Variants in DERA observed in about 807,000 individuals in gnomAD.
The protein encoded by DERA is deoxyribose-phosphate aldolase.
A neutral mutation model predicts 41.1 loss-of-function variants in DERA; 15 were observed. That is an observed-to-expected ratio of 0.37 (90% CI 0.24 to 0.56). The LOEUF is 0.56. Ranked by LOEUF, DERA falls within the 20% of genes least tolerant of loss-of-function variation. The probability of loss-of-function intolerance (pLI) is 0.81; values close to 1 mark genes in which losing one functional copy is unlikely to be tolerated. For synonymous variants in DERA, 139 were observed against 137.4 expected (o/e 1.01, Z -0.08); for missense variants, 396 against 403.4 (o/e 0.98, Z 0.16).
rs7967095 is a variant in DERA, at chr12:15,965,985, C to T, written c.508+3038C>T. Among the ~76,000 whole-genome samples, 6 of 152,198 alleles carry T rather than the reference C, an allele frequency of 3.9e-5. No individual in the cohort carries two copies. Among genetic ancestry groups the T allele is most frequent in the Non-Finnish European group, 7.3e-5 (5 of 68,040 alleles). On this transcript the variant is annotated intron_variant, in intron 5 of 8. Coordinates refer to ENST00000428559, the MANE Select transcript of DERA (RefSeq NM_015954.4). The surrounding 1 kb of genome is among the most constrained non-coding windows in gnomAD (Gnocchi z 4.1). ...CATTCCCATTAAGCATTTAGACATA[C>T]TCAAGCTTTTCTTAGCCATTTATGA... is the stretch of plus-strand genomic sequence containing the variant.
chr12:15,920,053 G>T (rs971744695), intron 1 of DERA, among the ~76,000 whole-genome samples: 1 of 151,890 alleles, frequency 6.6e-6, no homozygotes, highest in South Asian at 2.1e-4. Flanking sequence ...ACAGAAAAGG[G>T]ATTTCATTCA....
Position 15,913,013 on chromosome 12 carries a change from G to T in DERA, c.31+1599G>T, listed in dbSNP as rs1379267412. On this transcript the variant is annotated intron_variant, in intron 1 of 8. Coordinates refer to ENST00000428559, the MANE Select transcript of DERA (RefSeq NM_015954.4). This position sits in a 1 kb window ranked among gnomAD's most constrained non-coding sequence, Gnocchi z 4.5. ...TATCCTTGAAGGTGGTGGATATGGG[G>T]CAGGTTTGGGGTGGTGTCTTACCTG... Among the ~76,000 whole-genome samples the T allele has an allele frequency of 6.6e-6, 1 of 152,208 alleles. No individual in the cohort carries two copies. Among genetic ancestry groups the T allele is most frequent in the Non-Finnish European group, 1.5e-5 (1 of 68,024 alleles).
rs911495280 is a variant in DERA at position 15,922,779 on chromosome 12, C to T, written c.31+11365C>T. On this transcript the variant is annotated intron_variant, in intron 1 of 8. Coordinates refer to ENST00000428559, the MANE Select transcript of DERA (RefSeq NM_015954.4). This position sits in a 1 kb window ranked among gnomAD's most constrained non-coding sequence, Gnocchi z 4.9. ...GACCTGATAGCATCTAGCTGTGGAA[C>T]CTTGCGGGGTGGGGAGGGGCTTCAG... Among the ~76,000 whole-genome samples, 1 of 152,116 alleles carries T rather than the reference C, an allele frequency of 6.6e-6. No individual in the cohort carries two copies. Among genetic ancestry groups the T allele is most frequent in the Non-Finnish European group, 1.5e-5 (1 of 68,026 alleles).
Position 15,993,480 on chromosome 12 carries a change from CTTT to C in DERA, c.637+11057_637+11059del, listed in dbSNP as rs74499962. Among the ~76,000 whole-genome samples, 7 of 135,110 alleles carry C rather than the reference CTTT, an allele frequency of 5.2e-5. No individual in the cohort carries two copies. The highest frequency in any genetic ancestry group is 1.4e-4 in the African/African-American group (5 of 36,028). The allele number at this position is 135,110 out of a possible 152,430, so 88.6% of individuals were successfully genotyped here. ...ATCTAGACTCCTGTGGTGTTGTGGC[CTTT>C]TTTTTTTTTTTTAAAAAAAATAAGA... On this transcript the variant is annotated intron_variant, in intron 6 of 8. Transcript: ENST00000428559. This position sits in a 1 kb window ranked among gnomAD's most constrained non-coding sequence, Gnocchi z 4.4.
At position 15,994,926 on chromosome 12, in the gene DERA, G is replaced by A. The variant is rs556857856; in HGVS notation, c.637+12490G>A. Among the ~76,000 whole-genome samples the A allele has an allele frequency of 4.3e-4, 66 of 152,324 alleles. No individual in the cohort carries two copies. The highest frequency in any genetic ancestry group is 1.5e-3 in the African/African-American group (64 of 41,580). On this transcript the variant is annotated intron_variant, in intron 6 of 8. Coordinates refer to ENST00000428559, the MANE Select transcript of DERA (RefSeq NM_015954.4). This position sits in a 1 kb window ranked among gnomAD's most constrained non-coding sequence, Gnocchi z 4.8. ...TTTCTGCAGTAATCCCAAGAGGGAGGGAGGGAGGAGAGGTATCTTATTATC... is the reference window on the plus strand; with the variant it reads ...TTTCTGCAGTAATCCCAAGAGGGAGAGAGGGAGGAGAGGTATCTTATTATC...
In DERA at chr12:16,012,013, CA is replaced by C. The variant is rs1256237432; in HGVS notation, c.638-20528del. The stretch of plus-strand genomic sequence containing the variant: ...ATTAGGCAATCAAACCAAGAAAAAA[CA>C]CATAAAACATGCATAACTAAGTCAG... On this transcript the variant is annotated intron_variant, in intron 6 of 8. Coordinates refer to ENST00000428559, the MANE Select transcript of DERA (RefSeq NM_015954.4). The surrounding 1 kb of genome is among the most constrained non-coding windows in gnomAD (Gnocchi z 4.1). 6.6e-6 allele frequency among the ~76,000 whole-genome samples: 1 copy of C among 151,352 alleles called. No homozygotes were observed. Among genetic ancestry groups the C allele is most frequent in the African/African-American group, 2.5e-5 (1 of 40,764 alleles).
chr12:15,924,974 A>G lies in DERA; in HGVS notation c.31+13560A>G, dbSNP rs556534834. ...TTGAACAGTACTTTTCATAATGTGAAGACTTGTTTTCATCAGTGTTTGTTG... is the reference window on the plus strand; with the variant it reads ...TTGAACAGTACTTTTCATAATGTGAGGACTTGTTTTCATCAGTGTTTGTTG... On this transcript the variant is annotated intron_variant, in intron 1 of 8. Transcript: ENST00000428559. The surrounding 1 kb of genome is among the most constrained non-coding windows in gnomAD (Gnocchi z 5.0). Among the ~76,000 whole-genome samples the G allele has an allele frequency of 6.4e-4, 98 of 152,310 alleles. No homozygotes were observed. The highest frequency in any genetic ancestry group is 2.3e-3 in the African/African-American group (97 of 41,550).
chr12:15,973,761 T>A (rs1417631177), intron 5 of DERA, among the ~76,000 whole-genome samples: 1 of 152,040 alleles, frequency 6.6e-6, no homozygotes, highest in Non-Finnish European at 1.5e-5. Flanking sequence ...ATATCAAGGA[T>A]ATATTGAAGG....
Position 16,004,263 on chromosome 12 carries a change from A to T in DERA, c.637+21827A>T, listed in dbSNP as rs753637439. ...TTTGAATCTGAATGTACAGCCAAGT[A>T]TTCAAAATATAAATAGATGCAGAGA... On this transcript the variant is annotated intron_variant, in intron 6 of 8. Coordinates refer to ENST00000428559, the MANE Select transcript of DERA (RefSeq NM_015954.4). The surrounding 1 kb of genome is among the most constrained non-coding windows in gnomAD (Gnocchi z 4.2). Among the ~76,000 whole-genome samples, 13 of 152,236 alleles carry T rather than the reference A, an allele frequency of 8.5e-5. No individual in the cohort carries two copies. Among genetic ancestry groups the T allele is most frequent in the Non-Finnish European group, 1.8e-4 (12 of 68,040 alleles).
In DERA at chr12:16,036,123, T is replaced by C. The variant is rs1241687348; in HGVS notation, c.751-109T>C. The C allele has an allele frequency of 1.8e-6, 2 of 1,091,032 alleles. No individual in the cohort carries two copies. The highest frequency in any genetic ancestry group is 2.4e-6 in the Non-Finnish European group (2 of 829,194). The allele number at this position is 1,091,032 out of a possible 1,614,324, so 67.6% of individuals were successfully genotyped here. ...ACTGGATGAAGTGAAAAGATTTTTT[T>C]TCAACAAAAGAGGGAGAGAGAGAAT... On this transcript the variant is annotated intron_variant, in intron 7 of 8. Coordinates refer to ENST00000428559, the MANE Select transcript of DERA (RefSeq NM_015954.4). This position sits in a 1 kb window ranked among gnomAD's most constrained non-coding sequence, Gnocchi z 4.9.
At chr12:15,950,819 T>C (rs1187120414) in intron 1 of DERA, among the ~76,000 whole-genome samples, 1 of 152,250 alleles carries the variant, frequency 6.6e-6, no homozygotes, top group Non-Finnish European at 1.5e-5. Flanking sequence ...TTATCTCTTA[T>C]TAGGAAAGGC....
At chr12:16,006,952 T>C (rs1948914647) in intron 6 of DERA, among the ~76,000 whole-genome samples, 1 of 152,242 alleles carries the variant, frequency 6.6e-6, no homozygotes, top group Non-Finnish European at 1.5e-5. Context: ...AGTGGGAGCC[T>C]GAAGTGTCAT....
At chr12:15,929,265 A>C (rs1005310637) in intron 1 of DERA, among the ~76,000 whole-genome samples, 1 of 152,330 alleles carries the variant, frequency 6.6e-6, no homozygotes, top group Non-Finnish European at 1.5e-5. Context: ...ATTTGAAAGC[A>C]CTGGGAAAAC....
rs769974105 is a variant in DERA, at chr12:15,994,272, C to A, written c.637+11836C>A. 6.6e-6 allele frequency among the ~76,000 whole-genome samples: 1 copy of A among 152,162 alleles called. No homozygotes were observed. Among genetic ancestry groups the A allele is most frequent in the Non-Finnish European group, 1.5e-5 (1 of 68,042 alleles). On this transcript the variant is annotated intron_variant, in intron 6 of 8. Transcript: ENST00000428559. This position sits in a 1 kb window ranked among gnomAD's most constrained non-coding sequence, Gnocchi z 4.8. Reference sequence around the variant, plus strand: ...TATAGAAACCAATTTTTAAATAAAGCTGTATTTCCCCTTTAAACATTAAGG... The same window carrying A: ...TATAGAAACCAATTTTTAAATAAAGATGTATTTCCCCTTTAAACATTAAGG...
At position 16,007,175 on chromosome 12, in the gene DERA, GT is replaced by G. The variant is rs760931310; in HGVS notation, c.637+24752del. On this transcript the variant is annotated intron_variant, in intron 6 of 8. Coordinates refer to ENST00000428559, the MANE Select transcript of DERA (RefSeq NM_015954.4). ...TTTTTACTCTTTTTGGGGTTTTTTT[GT>G]TTTTTTTTTTTTGTTTTTTTTTTTT... 9.4e-3 allele frequency among the ~76,000 whole-genome samples: 1,211 copies of G among 129,184 alleles called. 13 individuals carry two copies. The highest frequency in any genetic ancestry group is 0.031 in the African/African-American group (1,090 of 34,936). The allele number at this position is 129,184 out of a possible 152,430, so 84.7% of individuals were successfully genotyped here.
At chr12:15,930,567 ATTAC>A (rs1319413327) in intron 1 of DERA, among the ~76,000 whole-genome samples, 3 of 152,200 alleles carry the variant, frequency 2.0e-5, no homozygotes, top group Admixed American at 6.5e-5. Flanking sequence ...TTCATACACT[ATTAC>A]TTAAGAACAG....
At chr12:15,969,006 T>A (rs1436835479) in intron 5 of DERA, among the ~76,000 whole-genome samples, 2 of 152,228 alleles carry the variant, frequency 1.3e-5, no homozygotes, top group Non-Finnish European at 2.9e-5. Context: ...ACATAATGAT[T>A]TTTACAACCC....
At chr12:15,926,690 C>T (rs1378514124) in intron 1 of DERA, among the ~76,000 whole-genome samples, 4 of 151,486 alleles carry the variant, frequency 2.6e-5, no homozygotes, top group Non-Finnish European at 4.4e-5. Context: ...GAGCGGAGAT[C>T]CCACCACTGC....
intron 6 of DERA, among the ~76,000 whole-genome samples, chr12:16,029,268 A>C (rs2136188575): frequency 6.6e-6 from 1 of 152,236 alleles, no homozygotes; most frequent in East Asian, 1.9e-4. Context: ...TAAAAAATAC[A>C]AAAAGTTAGC....
Sources: gnomAD v4.1 joint callset for allele counts (sites outside exome capture counted in the v4.1 genomes callset) on GRCh38, gnomAD v4.1.1 for gene constraint, Gnocchi (gnomAD v3.1) non-coding constraint, MANE v1.5 for transcripts, NCBI Gene and HGNC (gene_info 2026-07-23, HGNC 2026-07-21) for gene names.